The following KCNN3 variants were observed in gnomAD, a reference collection of about 807,000 sequenced individuals.
KCNN3 encodes small conductance calcium-activated potassium channel protein 3.
Under a neutral mutation model 62.9 loss-of-function variants are expected in KCNN3, and 16 were observed. The ratio of observed to expected loss-of-function variants is 0.25; its 90% CI spans 0.17 to 0.39. The LOEUF is 0.39. KCNN3 is among the 10% of genes least tolerant of loss of function. KCNN3 has a pLI of 1.00. For synonymous variants in KCNN3, 370 were observed against 389.2 expected (o/e 0.95, Z 0.58); for missense variants, 599 against 949.4 (o/e 0.63, Z 4.85).
At chr1:154,713,402 T>C in intron 7 of KCNN3, 62 bp downstream of exon 7, 1 of 1,386,156 alleles carries the variant, frequency 7.2e-7, no homozygotes, top group Non-Finnish European at 1.0e-6. Flanking sequence ...GACTCACAGG[T>C]GAGCCTGAGA....
rs1482483438 is a variant in KCNN3, at chr1:154,724,277, CTCTT to C, written c.1701+1635_1701+1638del. On this transcript the variant is annotated intron_variant, in intron 5 of 7. Transcript: ENST00000271915. ...GCTCCCTCTGTCATTCTCTCTCTCT[CTCTT>C]TTTGTTCTTCCTTCCTGCCGTTGTC... Among the ~76,000 whole-genome samples, 3 of 152,354 alleles carry C rather than the reference CTCTT, an allele frequency of 2.0e-5. No individual in the cohort carries two copies. The East Asian group carries it at 5.8e-4, about 29-fold the overall frequency.
chr1:154,783,628 G>A (rs12135902), intron 2 of KCNN3, among the ~76,000 whole-genome samples: 11,534 of 152,226 alleles, frequency 0.076, 584 homozygotes, highest in East Asian at 0.2. Flanking sequence ...GACCAACACA[G>A]GGCTTAATAT....
intron 1 of KCNN3, among the ~76,000 whole-genome samples, chr1:154,839,688 G>C (rs574550447): frequency 6.6e-6 from 1 of 152,182 alleles, no homozygotes; most frequent in African/African-American, 2.4e-5. Context: ...CCTCGCCTGG[G>C]GCAGACTCGG....
intron 3 of KCNN3, among the ~76,000 whole-genome samples, chr1:154,762,537 C>G (rs1325274472): frequency 1.3e-5 from 2 of 152,074 alleles, no homozygotes; most frequent in Non-Finnish European, 2.9e-5. Context: ...GTTTCTAAGA[C>G]TGCTTTGTAT....
At chr1:154,795,616 T>C (rs1649702062) in intron 2 of KCNN3, among the ~76,000 whole-genome samples, 1 of 152,012 alleles carries the variant, frequency 6.6e-6, no homozygotes, top group South Asian at 2.1e-4. Flanking sequence ...AAATGAGCAG[T>C]GATGTAAACA....
At position 154,809,413 on chromosome 1, in the gene KCNN3, G is replaced by A. The variant is rs7512194; in HGVS notation, c.1029+12676C>T. ...GCTTATTTGGGGGCTGGGGTGGGAG[G>A]GCACATAAAACTACAACCTCACAGG... On this transcript the variant is annotated intron_variant, in intron 2 of 7. Transcript: ENST00000271915. The surrounding 1 kb of genome is among the most constrained non-coding windows in gnomAD (Gnocchi z 4.3). Among the ~76,000 whole-genome samples, 8,762 of 152,238 alleles carry A rather than the reference G, an allele frequency of 0.058. 285 individuals are homozygous for A. The highest frequency in any genetic ancestry group is 0.073 in the Non-Finnish European group (4,958 of 68,008).
In KCNN3 at chr1:154,772,064, C is replaced by T. The variant is rs370594487; in HGVS notation, c.1359G>A (p.Thr453=). 1.9e-6 allele frequency: 3 copies of T among 1,613,964 alleles called. No individual in the cohort carries two copies. The African/African-American group carries it at 4.0e-5, about 22-fold the overall frequency. Residue 453 remains threonine (T), a synonymous_variant, in exon 3 of 8, where the codon ACG becomes ACA. Coordinates refer to ENST00000271915, the MANE Select transcript of KCNN3 (RefSeq NM_002249.6). This position sits in a 1 kb window ranked among gnomAD's most constrained non-coding sequence, Gnocchi z 5.6. ...CAGTGCCAGGGCAGATGGTCATGAG[C>T]GTCTTCATGACAAAGCGGGTGTTGA... ...INFNTRFVMK[T]LMTICPGTVL... is the part of the protein sequence containing the mutation.
intron 5 of KCNN3, among the ~76,000 whole-genome samples, chr1:154,718,202 A>C (rs915351846): frequency 1.3e-5 from 2 of 152,206 alleles, no homozygotes; most frequent in African/African-American, 4.8e-5. Context: ...TTGTGAATGG[A>C]AGTCCAGCTG....
chr1:154,743,119 C>T (rs1014833428), intron 3 of KCNN3, among the ~76,000 whole-genome samples: 2 of 151,706 alleles, frequency 1.3e-5, no homozygotes, highest in African/African-American at 2.4e-5. Context: ...CCCACCCTCT[C>T]ACCTTGTCCA....
chr1:154,825,495 A>C (rs1557994886), intron 1 of KCNN3, among the ~76,000 whole-genome samples: 1 of 149,206 alleles, frequency 6.7e-6, no homozygotes, highest in African/African-American at 2.5e-5. Context: ...TCTCCCCAGC[A>C]GCTGGGACTA....
intron 2 of KCNN3, among the ~76,000 whole-genome samples, chr1:154,773,009 G>GT (rs1648637719): frequency 6.6e-6 from 1 of 152,078 alleles, no homozygotes; most frequent in Non-Finnish European, 1.5e-5. Flanking sequence ...GTTTTGTTTT[G>GT]TTTTTTTAAC....
chr1:154,766,196 T>A (rs1648262023), intron 3 of KCNN3, among the ~76,000 whole-genome samples: 1 of 151,562 alleles, frequency 6.6e-6, no homozygotes, highest in Non-Finnish European at 1.5e-5. Context: ...GAGGGCAGGG[T>A]TCCTGGGTCT....
At chr1:154,771,910 C>G (rs1279778360) in intron 3 of KCNN3, 65 bp downstream of exon 3, 1 of 1,528,286 alleles carries the variant, frequency 6.5e-7, no homozygotes, top group South Asian at 1.1e-5. Flanking sequence ...TCCTGGCACC[C>G]CTACTCCTCC....
chr1:154,832,380 T>C (rs1394831567), intron 1 of KCNN3, among the ~76,000 whole-genome samples: 1 of 152,040 alleles, frequency 6.6e-6, no homozygotes, highest in Non-Finnish European at 1.5e-5. Flanking sequence ...TCAGGAGAAC[T>C]GTATAGCATA....
At chr1:154,724,765 G>C (rs1022363473) in intron 5 of KCNN3, among the ~76,000 whole-genome samples, 2 of 152,022 alleles carry the variant, frequency 1.3e-5, no homozygotes, top group African/African-American at 4.8e-5. Flanking sequence ...GTTCAAGTGA[G>C]AAACATTACC....
At chr1:154,796,139 T>C (rs1046691300) in intron 2 of KCNN3, among the ~76,000 whole-genome samples, 11 of 152,080 alleles carry the variant, frequency 7.2e-5, no homozygotes, top group Admixed American at 7.2e-4. Context: ...TGAGTGGAGG[T>C]GGCGAATACT....
intron 2 of KCNN3, among the ~76,000 whole-genome samples, chr1:154,817,105 A>AGATTAAATTAT: frequency 6.6e-6 from 1 of 152,226 alleles, no homozygotes; most frequent in Non-Finnish European, 1.5e-5. Context: ...TTTAATCTGT[A>AGATTAAATTAT]CAATAACCCT....
intron 1 of KCNN3, among the ~76,000 whole-genome samples, chr1:154,865,158 T>G (rs1189751592): frequency 6.6e-6 from 1 of 152,026 alleles, no homozygotes; most frequent in Non-Finnish European, 1.5e-5. Context: ...ACAGGTAATT[T>G]AATGCAATGG....
Position 154,866,946 on chromosome 1 carries a change from C to A in KCNN3, c.933+2086G>T, listed in dbSNP as rs77965255. ...GGCCTGATCCTGCAGAGTGGTGACT[C>A]TCCCGTCGCGTTAAGACAAATGTGC... On this transcript the variant is annotated intron_variant, in intron 1 of 7. Transcript: ENST00000271915. Among the ~76,000 whole-genome samples the A allele has an allele frequency of 7.5e-4, 115 of 152,350 alleles. 1 individual carries two copies. Among genetic ancestry groups the A allele is most frequent in the African/African-American group, 2.7e-3 (114 of 41,590 alleles).
Sources: allele counts gnomAD v4.1 joint callset (sites outside exome capture counted in the v4.1 genomes callset), GRCh38; gene constraint gnomAD v4.1.1; non-coding constraint Gnocchi (gnomAD v3.1); transcripts MANE v1.5; gene names NCBI Gene and HGNC (gene_info 2026-07-23, HGNC 2026-07-21).